Variants in CHD2 observed in about 807,000 individuals in gnomAD.
The protein encoded by CHD2 is ATP-dependent chromatin remodeler CHD2.
In CHD2, 28 loss-of-function variants were observed where a neutral mutation model predicts 243.9. The observed-to-expected ratio is 0.11, with a 90% CI of 0.09 to 0.16. The LOEUF (loss-of-function observed/expected upper bound fraction) is 0.16. Among genes scored for constraint, CHD2 ranks in the 10% least tolerant of loss-of-function variants. The pLI is 1.00. For synonymous variants in CHD2, 775 were observed against 779.0 expected (o/e 0.99, Z 0.09); for missense variants, 1,386 against 2,209.8 (o/e 0.63, Z 7.47).
intron 7 of CHD2, among the ~76,000 whole-genome samples, chr15:92,941,478 CT>C: frequency 6.6e-6 from 1 of 151,812 alleles, no homozygotes; most frequent in Non-Finnish European, 1.5e-5. Flanking sequence ...TATGGTTTTT[CT>C]TTTTTTGTGT....
rs775276311 is a variant in CHD2 at position 92,978,380 on chromosome 15, G to A, written c.2724G>A (p.Lys908=). 22 of 1,613,900 alleles carry A rather than the reference G, an allele frequency of 1.4e-5. No homozygotes were observed. In the African/African-American group the frequency reaches 2.0e-4, roughly 15 times the overall value. ...QARAHRIGQK[K]QVNIYRLVTK... ...GAGCGCATAGAATTGGTCAAAAGAAGCAGGTCAGTATGGAGAGGCTTCTGG... is the reference window on the plus strand; with the variant it reads ...GAGCGCATAGAATTGGTCAAAAGAAACAGGTCAGTATGGAGAGGCTTCTGG... Residue 908 remains lysine, a synonymous_variant, in exon 21 of 39, where the codon AAG becomes AAA. Coordinates refer to ENST00000394196, the MANE Select transcript of CHD2 (RefSeq NM_001271.4).
chr15:92,928,795 A>G (rs2053113428), intron 4 of CHD2, among the ~76,000 whole-genome samples: 1 of 152,242 alleles, frequency 6.6e-6, no homozygotes, highest in African/African-American at 2.4e-5. Context: ...TCTGGAAGTC[A>G]AGCTGAGATA....
intron 16 of CHD2, among the ~76,000 whole-genome samples, chr15:92,961,275 C>T (rs188298590): frequency 1.3e-5 from 1 of 78,820 alleles, no homozygotes; most frequent in African/African-American, 3.4e-5. Flanking sequence ...GTTACAGGTT[C>T]ACTTAAGTTT....
chr15:92,910,470 G>A (rs560357440), intron 2 of CHD2, among the ~76,000 whole-genome samples: 44 of 152,054 alleles, frequency 2.9e-4, no homozygotes, highest in Non-Finnish European at 6.2e-4. Context: ...TCAGCTCATT[G>A]CAACCTCCGC....
rs147466101 is a variant in CHD2, at chr15:92,985,660, G to A, written c.3400G>A (p.Ala1134Thr). Residue 1134 changes from alanine to threonine, a missense_variant, in exon 26 of 39, where the codon GCA (alanine) becomes ACA (threonine). Ala to Thr is a moderately conservative substitution (Grantham distance 58). Around this residue, in one of 19 missense-constraint regions of CHD2, gnomAD observed 18 missense variants for 20.6 expected, o/e 0.88. Transcript: ENST00000394196. ...RKDLVEGFTD[A>T]EIRRFIKAYK... ...GGACCTCGTGGAGGGATTTACTGAT[G>A]CAGAGATCCGAAGGTTGGTGGAGGC... 304 of 1,611,290 alleles carry A rather than the reference G, an allele frequency of 1.9e-4. 1 individual carries two copies. The highest frequency in any genetic ancestry group is 1.0e-4 in the Admixed American group (6 of 59,962).
At chr15:93,016,096 G>T (rs772312123) in intron 37 of CHD2, among the ~76,000 whole-genome samples, 3 of 152,152 alleles carry the variant, frequency 2.0e-5, no homozygotes, top group Non-Finnish European at 4.4e-5. Flanking sequence ...GCCAAGATAC[G>T]TAATCATCCT....
chr15:92,970,640 TC>T (rs1291214376), intron 17 of CHD2, among the ~76,000 whole-genome samples: 4 of 152,246 alleles, frequency 2.6e-5, no homozygotes, highest in African/African-American at 9.6e-5. Context: ...TACACTTTTC[TC>T]TGCCTTCCTT....
At chr15:92,950,409 G>T (rs1056550633) in intron 13 of CHD2, 1 of 152,158 alleles carries the variant, frequency 6.6e-6, no homozygotes, top group East Asian at 1.9e-4. Context: ...GATGTATTTT[G>T]CTGTCCTTAC....
chr15:92,903,715 T>C (rs933584189), intron 2 of CHD2, among the ~76,000 whole-genome samples: 1 of 152,220 alleles, frequency 6.6e-6, no homozygotes. Context: ...TTAAGTAACA[T>C]CAAAGAATGA....
rs555880544 is a variant in CHD2 at position 93,027,531 on chromosome 15, C to G, written c.*2826C>G. The G allele has an allele frequency of 6.6e-6, 1 of 152,556 alleles. No individual in the cohort carries two copies. The highest frequency in any genetic ancestry group is 1.5e-5 in the Non-Finnish European group (1 of 68,060). The allele number at this position is 152,556 out of a possible 1,614,324, so 9.5% of individuals were successfully genotyped here. A position where few individuals can be genotyped will look rare whatever the true frequency, so the allele number is the denominator to read the frequency against. On this transcript the variant is annotated 3_prime_UTR_variant, in exon 39 of 39. Transcript: ENST00000394196. ...CGAAGGGAAGCCCAAACACTTTGCA[C>G]GCTGTGCTGCAGACATTCTGGCCTG...
intron 28 of CHD2, among the ~76,000 whole-genome samples, chr15:92,996,163 T>C (rs1324095959): frequency 1.4e-5 from 2 of 146,526 alleles, no homozygotes; most frequent in Admixed American, 6.7e-5. Flanking sequence ...TAAGTTTCTT[T>C]TTTTTTTTTT....
chr15:92,954,729 C>G lies in CHD2; in HGVS notation c.1720-694C>G, dbSNP rs76482879. Among the ~76,000 whole-genome samples the G allele has an allele frequency of 3.7e-3, 560 of 152,294 alleles. 2 individuals carry two copies. The highest frequency in any genetic ancestry group is 0.011 in the South Asian group (53 of 4,830). ...GTCAGAGAAGTTTTCCTTGCTATCT[C>G]CAGTTCTCCTTTTCTTTGTTCTTTT... On this transcript the variant is annotated intron_variant, in intron 14 of 38. Transcript: ENST00000394196.
chr15:92,960,298 G>T (rs2053668035), intron 16 of CHD2, among the ~76,000 whole-genome samples: 2 of 152,216 alleles, frequency 1.3e-5, no homozygotes, highest in South Asian at 2.1e-4. Flanking sequence ...TGTACCTAAA[G>T]ATTTCTTTTC....
chr15:92,946,138 T>C lies in CHD2; in HGVS notation c.1299T>C (p.Ile433=). 1 of 1,613,842 alleles carries C rather than the reference T, an allele frequency of 6.2e-7. No homozygotes were observed. Among genetic ancestry groups the C allele is most frequent in the South Asian group, 1.1e-5 (1 of 91,042 alleles). Residue 433 remains isoleucine (I), a synonymous_variant, in exon 12 of 39, where the codon ATT becomes ATC. Coordinates refer to ENST00000394196, the MANE Select transcript of CHD2 (RefSeq NM_001271.4). The stretch of plus-strand genomic sequence containing the variant: ...GTAGCTGGGAAGATGAAGCCCTCAT[T>C]GGAAAGAAATTCCAGAATTGCATTG... ...SECSWEDEAL[I]GKKFQNCIDS... is the part of the protein sequence containing the mutation.
chr15:92,910,076 G>A (rs183867643), intron 2 of CHD2, among the ~76,000 whole-genome samples: 1 of 151,428 alleles, frequency 6.6e-6, no homozygotes, highest in African/African-American at 2.4e-5. Context: ...GTACAATTTC[G>A]GTTCACTGCA....
At chr15:92,903,305 A>G (rs922940633) in intron 2 of CHD2, among the ~76,000 whole-genome samples, 1 of 152,194 alleles carries the variant, frequency 6.6e-6, no homozygotes, top group African/African-American at 2.4e-5. Flanking sequence ...TTTATTGCCC[A>G]AAGTATAGTG....
chr15:92,942,029 A>G (rs1012866223), intron 8 of CHD2, 74 bp downstream of exon 8: 2 of 1,410,188 alleles, frequency 1.4e-6, no homozygotes, highest in Admixed American at 4.1e-5. Context: ...TTTTAACTCT[A>G]ATGTGATGAA....
In CHD2 at chr15:92,953,583, CAA is replaced by C; in HGVS notation, c.1719+14_1719+15del. The C allele has an allele frequency of 6.2e-7, 1 of 1,609,012 alleles. No homozygotes were observed. Among genetic ancestry groups the C allele is most frequent in the Non-Finnish European group, 8.5e-7 (1 of 1,175,652 alleles). The stretch of plus-strand genomic sequence containing the variant: ...GATGAGCAGAAATACGGTGTGTAAA[CAA>C]AAAGAGCTGGGTTAGAATCTGTGTT... On this transcript the variant is annotated intron_variant, in intron 14 of 38. Coordinates refer to ENST00000394196, the MANE Select transcript of CHD2 (RefSeq NM_001271.4).
At chr15:92,917,806 C>T (rs2052871438) in intron 2 of CHD2, among the ~76,000 whole-genome samples, 1 of 152,196 alleles carries the variant, frequency 6.6e-6, no homozygotes, top group African/African-American at 2.4e-5. Flanking sequence ...CACACACACT[C>T]TTGGGCTTTG....
Sources: allele counts gnomAD v4.1 joint callset (sites outside exome capture counted in the v4.1 genomes callset), GRCh38; gene constraint gnomAD v4.1.1; regional missense constraint gnomAD v4.1.1; transcripts MANE v1.5; gene names NCBI Gene and HGNC (gene_info 2026-07-23, HGNC 2026-07-21).